Variants in STK31 observed in about 807,000 individuals in gnomAD.
STK31 encodes serine/threonine-protein kinase 31.
In STK31, 89 loss-of-function variants were observed where a neutral mutation model predicts 129.7. That is an observed-to-expected ratio of 0.69 (90% CI 0.58 to 0.82). The LOEUF (loss-of-function observed/expected upper bound fraction) is 0.82, where lower values mean the gene tolerates loss of function less well. Among genes scored for constraint, STK31 ranks in the 40% least tolerant of loss-of-function variants. The pLI, the probability that STK31 is intolerant of heterozygous loss-of-function variation, is 0.00. For missense variants in STK31, 1,187 were observed against 1,176.4 expected, an observed-to-expected ratio of 1.01 and a Z score of -0.13; for synonymous variants, 448 against 395.3, an observed-to-expected ratio of 1.13 and a Z score of -1.58.
intron 23 of STK31, among the ~76,000 whole-genome samples, chr7:23,821,575 A>G (rs936745060): frequency 1.3e-5 from 2 of 152,130 alleles, no homozygotes; most frequent in African/African-American, 2.4e-5. Context: ...AATAGTTTGC[A>G]AATTTTTCCT....
Position 23,783,329 on chromosome 7 carries a change from G to A in STK31, c.2068-254G>A, listed in dbSNP as rs1453402982. Reference sequence around the variant, plus strand: ...CAGTCTCGTCTGCCTGTTAAGCTAGGTTGCAGTTCATCCACAAGGACTCAA... The same window carrying A: ...CAGTCTCGTCTGCCTGTTAAGCTAGATTGCAGTTCATCCACAAGGACTCAA... On this transcript the variant is annotated intron_variant, in intron 16 of 23. Transcript: ENST00000355870. 2.0e-5 allele frequency among the ~76,000 whole-genome samples: 3 copies of A among 152,142 alleles called. No homozygotes were observed. The East Asian group carries it at 5.8e-4, about 29-fold the overall frequency.
chr7:23,727,386 A>C (rs1349454784), intron 5 of STK31, 71 bp downstream of exon 5: 16 of 1,369,960 alleles, frequency 1.2e-5, no homozygotes, highest in Admixed American at 1.0e-4. Context: ...TTTGATGCTT[A>C]TTTAGCCCTT....
intron 6 of STK31, among the ~76,000 whole-genome samples, chr7:23,732,479 T>C (rs1787491560): frequency 6.6e-6 from 1 of 152,192 alleles, no homozygotes; most frequent in Non-Finnish European, 1.5e-5. Context: ...GTCATTCTTT[T>C]TGTTAGTTGG....
intron 3 of STK31, among the ~76,000 whole-genome samples, chr7:23,715,666 G>T (rs1362199915): frequency 6.6e-6 from 1 of 152,050 alleles, no homozygotes; most frequent in East Asian, 1.9e-4. Flanking sequence ...GATTCCAGGG[G>T]TTTGTTCACA....
intron 23 of STK31, among the ~76,000 whole-genome samples, chr7:23,818,191 C>T (rs761399530): frequency 6.2e-4 from 95 of 152,168 alleles, no homozygotes; most frequent in Non-Finnish European, 1.0e-3. Context: ...CTCTGTTGAG[C>T]TATAAAGTTC....
rs778783679 is a variant in STK31 at position 23,710,297 on chromosome 7, G to A, written c.12G>A (p.Gln4=). 6.6e-5 allele frequency: 107 copies of A among 1,612,974 alleles called. No individual in the cohort carries two copies. The highest frequency in any genetic ancestry group is 9.0e-5 in the Non-Finnish European group (106 of 1,179,934). ...GCCGAAAGTCCAGTATGTGGGTCCA[G>A]GGTCACTCTTCTAGAGCTTCCGCAA... MWV[Q]GHSSRASATE... The change falls in exon 1 of 24, where the codon CAG becomes CAA. Residue 4 remains glutamine, a synonymous_variant. Coordinates refer to ENST00000355870, the MANE Select transcript of STK31 (RefSeq NM_031414.5).
At position 23,737,037 on chromosome 7, in the gene STK31, G is replaced by A; in HGVS notation, c.976G>A (p.Ala326Thr). 1.2e-6 allele frequency: 2 copies of A among 1,611,282 alleles called. No homozygotes were observed. The highest frequency in any genetic ancestry group is 2.2e-5 in the South Asian group (2 of 90,828). The change falls in exon 8 of 24, where the codon GCG (alanine) becomes ACG (threonine). Residue 326 changes from alanine to threonine, a missense_variant. Coordinates refer to ENST00000355870, the MANE Select transcript of STK31 (RefSeq NM_031414.5). Reference sequence around the variant, plus strand: ...GGACGCTCTTCTTGAAAGTTATAAGGCGTTAGAATTGAAAGTAGAGCAGAT... The same window carrying A: ...GGACGCTCTTCTTGAAAGTTATAAGACGTTAGAATTGAAAGTAGAGCAGAT... ...EKDALLESYK[A>T]LELKVEQIAQ...
At chr7:23,799,904 C>G (rs567653339) in intron 22 of STK31, among the ~76,000 whole-genome samples, 1 of 152,104 alleles carries the variant, frequency 6.6e-6, no homozygotes, top group South Asian at 2.1e-4. Context: ...AGAAAACAAC[C>G]CCATCAAAAA....
At chr7:23,748,145 G>C (rs2128089311) in intron 8 of STK31, among the ~76,000 whole-genome samples, 1 of 152,308 alleles carries the variant, frequency 6.6e-6, no homozygotes, top group African/African-American at 2.4e-5. Context: ...ATTTTGGTAA[G>C]TTGTATTTTT....
rs763075576 is a variant in STK31, at chr7:23,788,068, A to G, written c.2576A>G (p.Asn859Ser). 11 of 1,613,108 alleles carry G rather than the reference A, an allele frequency of 6.8e-6. No homozygotes were observed. In the South Asian group the frequency reaches 7.7e-5, roughly 11 times the overall value. ...ATTCATGGATCACTTCATCAGAACA[A>G]TGTATTTGCTTTAAACCGTGAACAA... ...DIIHGSLHQN[N>S]VFALNREQGI... The change falls in exon 21 of 24, where the codon AAT becomes AGT. Residue 859 changes from asparagine (N) to serine (S), a missense_variant. Coordinates refer to ENST00000355870, the MANE Select transcript of STK31 (RefSeq NM_031414.5).
intron 6 of STK31, among the ~76,000 whole-genome samples, chr7:23,735,050 G>T (rs1311970023): frequency 6.6e-6 from 1 of 152,148 alleles, no homozygotes; most frequent in African/African-American, 2.4e-5. Flanking sequence ...TAAAGAATTT[G>T]TTCGTATTTT....
At chr7:23,731,070 G>T (rs1192654551) in intron 6 of STK31, among the ~76,000 whole-genome samples, 1 of 151,106 alleles carries the variant, frequency 6.6e-6, no homozygotes, top group Non-Finnish European at 1.5e-5. Context: ...TTTTAGTAGA[G>T]GTGGGGTTTC....
chr7:23,770,008 C>A (rs969772970), intron 13 of STK31, among the ~76,000 whole-genome samples: 2 of 152,058 alleles, frequency 1.3e-5, no homozygotes, highest in Non-Finnish European at 2.9e-5. Context: ...CTGTTTAATT[C>A]TAAGAAAACT....
chr7:23,786,603 A>C lies in STK31; in HGVS notation c.2370A>C (p.Leu790Phe). The change falls in exon 19 of 24, where the codon TTA becomes TTC. Residue 790 changes from leucine to phenylalanine, a missense_variant. Physicochemically the swap from Leu to Phe is conservative, Grantham distance 22. This residue lies in a region of STK31 where 975 missense variants were observed against 934.9 expected (regional missense o/e 1.04). Transcript: ENST00000355870. The stretch of plus-strand genomic sequence containing the variant: ...GAGAAGCTGAAGGAGACTCAGGGTT[A>C]CTGCCATTGATATTCCTGTTTTTAT... ...AWREAEGDSG[L>F]LPLIFLFLCK... 6.2e-7 allele frequency: 1 copy of C among 1,613,680 alleles called. No homozygotes were observed. The highest frequency in any genetic ancestry group is 8.5e-7 in the Non-Finnish European group (1 of 1,179,814).
Position 23,785,461 on chromosome 7 carries a change from TAAA to T in STK31, c.2149-14_2149-12del. 1 of 1,610,140 alleles carries T rather than the reference TAAA, an allele frequency of 6.2e-7. No homozygotes were observed. The highest frequency in any genetic ancestry group is 8.5e-7 in the Non-Finnish European group (1 of 1,176,932). Reference sequence around the variant, plus strand: ...GATTGTTTGGATTCTTTAACTGTGATAAAAACTTGTGCCTAGAACTCTGGTGGT... The same window carrying T: ...GATTGTTTGGATTCTTTAACTGTGATAACTTGTGCCTAGAACTCTGGTGGT... On this transcript the variant is annotated splice_polypyrimidine_tract_variant and intron_variant, in intron 17 of 23. Coordinates refer to ENST00000355870, the MANE Select transcript of STK31 (RefSeq NM_031414.5).
At chr7:23,758,787 A>G (rs1489808593) in intron 10 of STK31, among the ~76,000 whole-genome samples, 1 of 152,302 alleles carries the variant, frequency 6.6e-6, no homozygotes, top group East Asian at 1.9e-4. Flanking sequence ...GTTTTGAGTG[A>G]GCAATACTAA....
intron 22 of STK31, 31 bp from the exon 23 acceptor site, chr7:23,815,106 TACATTGG>T (rs1278707932): frequency 2.0e-6 from 3 of 1,493,638 alleles, no homozygotes; most frequent in Middle Eastern, 3.7e-4. Flanking sequence ...GGCGTATTAA[TACATTGG>T]ACATTTATTC....
chr7:23,739,097 T>C (rs1047201676), intron 8 of STK31, among the ~76,000 whole-genome samples: 1 of 152,226 alleles, frequency 6.6e-6, no homozygotes, highest in Non-Finnish European at 1.5e-5. Context: ...CCACCAACAG[T>C]GTAGAAGTGT....
At chr7:23,748,305 A>C (rs1355999292) in intron 8 of STK31, among the ~76,000 whole-genome samples, 1 of 152,128 alleles carries the variant, frequency 6.6e-6, no homozygotes, top group African/African-American at 2.4e-5. Flanking sequence ...GCCTGAGAGC[A>C]GACATTGTAC....
Sources: gnomAD v4.1 joint callset for allele counts (sites outside exome capture counted in the v4.1 genomes callset) on GRCh38, gnomAD v4.1.1 for gene constraint, gnomAD v4.1.1 regional missense constraint, MANE v1.5 for transcripts, NCBI Gene and HGNC (gene_info 2026-07-23, HGNC 2026-07-21) for gene names.